Variants in XXYLT1 observed in about 807,000 individuals in gnomAD.
The protein encoded by XXYLT1 is UDP-xylose:alpha-xyloside alpha-1,3-xylosyltransferase.
XXYLT1 carries 20 observed loss-of-function variants against 28.9 expected under a neutral mutation model. The observed-to-expected ratio is 0.69, with a 90% CI of 0.49 to 1.00. The LOEUF is 1.00. XXYLT1 is among the 50% of genes least tolerant of loss of function. XXYLT1 has a pLI of 0.00. For missense variants in XXYLT1, 542 were observed against 560.1 expected, an observed-to-expected ratio of 0.97 and a Z score of 0.33; for synonymous variants, 257 against 253.8, an observed-to-expected ratio of 1.01 and a Z score of -0.12.
intron 1 of XXYLT1, among the ~76,000 whole-genome samples, chr3:195,234,579 A>C (rs1266028232): frequency 1.3e-5 from 2 of 152,030 alleles, no homozygotes; most frequent in Admixed American, 1.3e-4. Flanking sequence ...TCAGCCTCCC[A>C]AAGTGCTCGG....
chr3:195,215,121 T>G (rs1474203621), intron 2 of XXYLT1, among the ~76,000 whole-genome samples: 1 of 150,248 alleles, frequency 6.7e-6, no homozygotes, highest in Non-Finnish European at 1.5e-5. Flanking sequence ...AAGCAAATGC[T>G]GAGAGATTTT....
intron 1 of XXYLT1, among the ~76,000 whole-genome samples, chr3:195,241,707 C>T (rs1007803854): frequency 2.0e-5 from 3 of 152,138 alleles, no homozygotes; most frequent in Admixed American, 2.0e-4. Flanking sequence ...TGCCTGAATC[C>T]TTCTAGCCAT....
intron 2 of XXYLT1, among the ~76,000 whole-genome samples, chr3:195,160,085 G>GA (rs72159320): frequency 4.8e-5 from 7 of 146,802 alleles, no homozygotes; most frequent in African/African-American, 1.3e-4. Context: ...ACAAGAAAAG[G>GA]AAAAAAAAAT....
intron 2 of XXYLT1, among the ~76,000 whole-genome samples, chr3:195,212,117 G>A (rs1324395668): frequency 7.5e-6 from 1 of 132,564 alleles, no homozygotes; most frequent in Non-Finnish European, 1.5e-5. Flanking sequence ...GAGGAGAGGG[G>A]GCAAGCCACG....
chr3:195,151,628 T>G (rs757440465), intron 3 of XXYLT1, among the ~76,000 whole-genome samples: 1 of 151,982 alleles, frequency 6.6e-6, no homozygotes, highest in Non-Finnish European at 1.5e-5. Flanking sequence ...AATAAACAAT[T>G]ATTTAGTATA....
intron 2 of XXYLT1, among the ~76,000 whole-genome samples, chr3:195,170,605 C>T (rs1025071741): frequency 2.0e-5 from 3 of 152,326 alleles, no homozygotes; most frequent in African/African-American, 7.2e-5. Flanking sequence ...TGTATTTATG[C>T]TACATTTCCC....
At chr3:195,140,901 T>G (rs1371931707) in intron 3 of XXYLT1, among the ~76,000 whole-genome samples, 5 of 152,118 alleles carry the variant, frequency 3.3e-5, no homozygotes, top group Non-Finnish European at 5.9e-5. Flanking sequence ...TGGGATGGTA[T>G]TCGGGGGATT....
intron 2 of XXYLT1, among the ~76,000 whole-genome samples, chr3:195,215,817 C>T (rs1302351720): frequency 1.2e-4 from 19 of 152,214 alleles, no homozygotes; most frequent in African/African-American, 3.4e-4. Flanking sequence ...CTGCACCAAG[C>T]GGACCTAATA....
intron 1 of XXYLT1, among the ~76,000 whole-genome samples, chr3:195,231,870 T>C (rs908928885): frequency 7.9e-5 from 12 of 152,250 alleles, no homozygotes; most frequent in African/African-American, 2.6e-4. Flanking sequence ...GATGTGTCTG[T>C]CTGGTTTTTG....
intron 2 of XXYLT1, among the ~76,000 whole-genome samples, chr3:195,214,570 T>A (rs866021527): frequency 6.6e-6 from 1 of 152,128 alleles, no homozygotes; most frequent in Non-Finnish European, 1.5e-5. Context: ...ACCATCTACA[T>A]ACGGCATCCA....
intron 3 of XXYLT1, among the ~76,000 whole-genome samples, chr3:195,102,964 C>T (rs1403593506): frequency 1.3e-5 from 2 of 152,250 alleles, no homozygotes; most frequent in Non-Finnish European, 2.9e-5. Flanking sequence ...CTTCTCCACA[C>T]CCTCGCCAAC....
chr3:195,270,323 G>A, intron 1 of XXYLT1: 1 of 1,008,570 alleles, frequency 9.9e-7, no homozygotes, highest in Non-Finnish European at 1.3e-6. Flanking sequence ...AGAGGAAAAC[G>A]AGGCGGTCAT....
chr3:195,246,347 C>T (rs1725023405), intron 1 of XXYLT1, among the ~76,000 whole-genome samples: 1 of 152,226 alleles, frequency 6.6e-6, no homozygotes, highest in African/African-American at 2.4e-5. Flanking sequence ...TCCCCTCACC[C>T]TGCTCGTGTC....
chr3:195,130,911 G>A (rs1473064423), intron 3 of XXYLT1, among the ~76,000 whole-genome samples: 2 of 152,074 alleles, frequency 1.3e-5, no homozygotes, highest in Non-Finnish European at 2.9e-5. Context: ...CATACGCTCC[G>A]AAAAACAAGG....
rs115160694 is a variant in XXYLT1 at position 195,189,709 on chromosome 3, C to G, written c.653-33128G>C. On this transcript the variant is annotated intron_variant, in intron 2 of 3. Coordinates refer to ENST00000310380, the MANE Select transcript of XXYLT1 (RefSeq NM_152531.5). ...AAAATGAACCAAGACACCTGTGGGA[C>G]AACTTCAAACATACCAATATACATG... 9.9e-3 allele frequency among the ~76,000 whole-genome samples: 1,510 copies of G among 152,076 alleles called. 20 individuals are homozygous for G. Among genetic ancestry groups the G allele is most frequent in the African/African-American group, 0.035 (1,431 of 41,472 alleles).
intron 3 of XXYLT1, among the ~76,000 whole-genome samples, chr3:195,155,138 G>C (rs1229033167): frequency 6.6e-6 from 1 of 152,222 alleles, no homozygotes; most frequent in Non-Finnish European, 1.5e-5. Context: ...GGAGTTATCA[G>C]CTCATTTAGG....
intron 1 of XXYLT1, among the ~76,000 whole-genome samples, chr3:195,250,794 G>C (rs1437195796): frequency 1.3e-5 from 2 of 152,194 alleles, no homozygotes; most frequent in African/African-American, 4.8e-5. Flanking sequence ...CAGGATGTAA[G>C]CGCTACAAGG....
At chr3:195,174,069 T>C (rs765040871) in intron 2 of XXYLT1, among the ~76,000 whole-genome samples, 6 of 152,220 alleles carry the variant, frequency 3.9e-5, no homozygotes, top group Non-Finnish European at 5.9e-5. Flanking sequence ...TGATTTTTTC[T>C]TTTTTAACGA....
At chr3:195,134,779 G>A (rs1010600715) in intron 3 of XXYLT1, among the ~76,000 whole-genome samples, 8 of 151,852 alleles carry the variant, frequency 5.3e-5, no homozygotes, top group African/African-American at 1.5e-4. Context: ...GAGAGGAAAC[G>A]CTTTCCATCC....
Sources: allele counts gnomAD v4.1 joint callset (sites outside exome capture counted in the v4.1 genomes callset), GRCh38; gene constraint gnomAD v4.1.1; transcripts MANE v1.5; gene names NCBI Gene and HGNC (gene_info 2026-07-23, HGNC 2026-07-21).